The following ZNF536 variants were observed in gnomAD, a reference collection of about 807,000 sequenced individuals.
The protein encoded by ZNF536 is zinc finger protein 536.
In ZNF536, 13 loss-of-function variants were observed where a neutral mutation model predicts 84.5. The observed-to-expected ratio is 0.15, with a 90% CI of 0.10 to 0.24. ZNF536 has a LOEUF of 0.24. Ranked by LOEUF, ZNF536 falls within the 10% of genes least tolerant of loss-of-function variation. The pLI, the probability that ZNF536 is intolerant of heterozygous loss-of-function variation, is 1.00. For missense variants in ZNF536, 1,536 were observed against 1,747.5 expected (o/e 0.88, Z 2.16); for synonymous variants, 811 against 742.5 (o/e 1.09, Z -1.50).
At chr19:30,361,587 AAC>A (rs1215850819) in intron 3 of ZNF536, among the ~76,000 whole-genome samples, 1 of 152,068 alleles carries the variant, frequency 6.6e-6, no homozygotes, top group Non-Finnish European at 1.5e-5. Context: ...GAAGGCGTCA[AAC>A]ACGCGCCATG....
At chr19:30,254,188 A>G (rs1165053865) in intron 1 of ZNF536, among the ~76,000 whole-genome samples, 1 of 152,192 alleles carries the variant, frequency 6.6e-6, no homozygotes, top group African/African-American at 2.4e-5. Flanking sequence ...TATATGCTCC[A>G]TGTCAGAATG....
chr19:30,583,361 A>G (rs545403145), intron 1 of ZNF536, among the ~76,000 whole-genome samples: 1 of 152,346 alleles, frequency 6.6e-6, no homozygotes, highest in South Asian at 2.1e-4. Flanking sequence ...GGTGGCTCCA[A>G]CAGAGATCTT....
chr19:30,302,980 C>T (rs2046234084), intron 2 of ZNF536, among the ~76,000 whole-genome samples: 2 of 152,196 alleles, frequency 1.3e-5, no homozygotes, highest in South Asian at 2.1e-4. Context: ...CTTGTTTTTA[C>T]ATAATTTTTC....
At chr19:30,553,392 A>T (rs750989582) in intron 4 of ZNF536, among the ~76,000 whole-genome samples, 4 of 152,208 alleles carry the variant, frequency 2.6e-5, no homozygotes, top group Non-Finnish European at 5.9e-5. Flanking sequence ...AGTGTGTTTC[A>T]TCTGGGAGTT....
At chr19:30,429,966 G>C (rs1372482933) in intron 1 of ZNF536, among the ~76,000 whole-genome samples, 1 of 152,018 alleles carries the variant, frequency 6.6e-6, no homozygotes, top group Non-Finnish European at 1.5e-5. Context: ...CCTGGATAAG[G>C]GTACAGGGTG....
At chr19:30,473,748 C>T (rs1281536783) in intron 2 of ZNF536, among the ~76,000 whole-genome samples, 1 of 152,196 alleles carries the variant, frequency 6.6e-6, no homozygotes, top group Non-Finnish European at 1.5e-5. Flanking sequence ...GACGTCCCGC[C>T]CATCCTGTCT....
chr19:30,239,785 C>T (rs543697767), intron 1 of ZNF536, among the ~76,000 whole-genome samples: 1 of 152,170 alleles, frequency 6.6e-6, no homozygotes, highest in Non-Finnish European at 1.5e-5. Flanking sequence ...CTGTCCCTAC[C>T]CCGCATCTCA....
Position 30,548,235 on chromosome 19 carries a change from G to A in ZNF536, c.2616G>A (p.Gln872=), listed in dbSNP as rs1156349265. Residue 872 remains glutamine (Q), a synonymous_variant, in exon 4 of 5, where the codon CAG becomes CAA. Transcript: ENST00000355537. The part of the protein sequence containing the change: ...GVLSSGDHSG[Q]ATGMSSEVPS... ...TCTCCTCTGGAGATCACTCGGGGCAGGCCACGGGCATGTCTTCGGAGGTCC... is the reference window on the plus strand; with the variant it reads ...TCTCCTCTGGAGATCACTCGGGGCAAGCCACGGGCATGTCTTCGGAGGTCC... The A allele has an allele frequency of 1.2e-6, 2 of 1,614,220 alleles. No homozygotes were observed. The highest frequency in any genetic ancestry group is 1.7e-6 in the Non-Finnish European group (2 of 1,180,034).
At chr19:30,533,379 G>A (rs1159998714) in intron 2 of ZNF536, among the ~76,000 whole-genome samples, 1 of 152,160 alleles carries the variant, frequency 6.6e-6, no homozygotes, top group Non-Finnish European at 1.5e-5. Flanking sequence ...ACTTAGCAAG[G>A]CATGGTGGCC....
At chr19:30,288,974 C>G (rs1448540492) in intron 2 of ZNF536, among the ~76,000 whole-genome samples, 2 of 152,194 alleles carry the variant, frequency 1.3e-5, no homozygotes, top group Non-Finnish European at 2.9e-5. Flanking sequence ...GTCTTTCCAG[C>G]ATCCCTTGGG....
intron 2 of ZNF536, among the ~76,000 whole-genome samples, chr19:30,474,135 G>A (rs966654593): frequency 6.6e-6 from 1 of 152,190 alleles, no homozygotes; most frequent in Non-Finnish European, 1.5e-5. Context: ...GCATGGCAGA[G>A]ACAAAGGTGA....
chr19:30,295,988 C>A (rs1410692390), intron 2 of ZNF536, among the ~76,000 whole-genome samples: 4 of 152,174 alleles, frequency 2.6e-5, no homozygotes, highest in African/African-American at 7.2e-5. Flanking sequence ...GGGGCCCAGA[C>A]CAGTGTCGGG....
At chr19:30,508,424 G>T (rs568648011) in intron 2 of ZNF536, among the ~76,000 whole-genome samples, 4 of 152,280 alleles carry the variant, frequency 2.6e-5, no homozygotes, top group African/African-American at 7.2e-5. Context: ...ACTGCCTGGG[G>T]TATGACTGGG....
At chr19:30,483,981 A>G (rs2054192544) in intron 2 of ZNF536, among the ~76,000 whole-genome samples, 1 of 151,122 alleles carries the variant, frequency 6.6e-6, no homozygotes, top group African/African-American at 2.4e-5. Flanking sequence ...CCTCTACCTC[A>G]CCATCCCAAT....
intron 1 of ZNF536, among the ~76,000 whole-genome samples, chr19:30,375,405 C>T (rs2147089698): frequency 6.6e-6 from 1 of 152,196 alleles, no homozygotes; most frequent in East Asian, 1.9e-4. Flanking sequence ...TGCGCGGGGG[C>T]TCCCCGCTAC....
chr19:30,688,505 T>C (rs2051284673), intron 1 of ZNF536, among the ~76,000 whole-genome samples: 1 of 152,236 alleles, frequency 6.6e-6, no homozygotes, highest in South Asian at 2.1e-4. Flanking sequence ...GAGTCTTTTA[T>C]AGAATATTCT....
At chr19:30,419,582 A>G (rs1415627304) in intron 1 of ZNF536, among the ~76,000 whole-genome samples, 3 of 152,190 alleles carry the variant, frequency 2.0e-5, no homozygotes, top group East Asian at 1.9e-4. Flanking sequence ...AATTTTACAA[A>G]CGATAAATGT....
intron 2 of ZNF536, among the ~76,000 whole-genome samples, chr19:30,336,192 G>T (rs970391128): frequency 6.6e-5 from 10 of 152,172 alleles, no homozygotes; most frequent in African/African-American, 2.4e-4. Context: ...TGATCACGGG[G>T]GACTTGAGTC....
intron 2 of ZNF536, among the ~76,000 whole-genome samples, chr19:30,462,958 C>T (rs114837816): frequency 0.016 from 2,213 of 139,670 alleles, 120 homozygotes; most frequent in African/African-American, 0.05. Context: ...TGGGCGTATC[C>T]GTATGCATTT....
Sources: gnomAD v4.1 joint callset for allele counts (sites outside exome capture counted in the v4.1 genomes callset) on GRCh38, gnomAD v4.1.1 for gene constraint, MANE v1.5 for transcripts, NCBI Gene and HGNC (gene_info 2026-07-23, HGNC 2026-07-21) for gene names.